Variants in ATXN7L1 observed in about 807,000 individuals in gnomAD.
The protein encoded by ATXN7L1 is ataxin 7 like 1, also known as ataxin-7-like protein 1.
ATXN7L1 carries 15 observed loss-of-function variants against 70.8 expected under a neutral mutation model. That is an observed-to-expected ratio of 0.21 (90% CI 0.14 to 0.33). The LOEUF is 0.33. Among genes scored for constraint, ATXN7L1 ranks in the 10% least tolerant of loss-of-function variants. The pLI, the probability that ATXN7L1 is intolerant of heterozygous loss-of-function variation, is 1.00. For synonymous variants in ATXN7L1, 440 were observed against 445.1 expected (o/e 0.99, Z 0.14); for missense variants, 975 against 1,097.1 (o/e 0.89, Z 1.57).
At chr7:105,653,371 C>T (rs1800145533) in intron 4 of ATXN7L1, among the ~76,000 whole-genome samples, 1 of 152,118 alleles carries the variant, frequency 6.6e-6, no homozygotes, top group East Asian at 1.9e-4. Context: ...TTGCTTGAAC[C>T]CAGGGGATGG....
intron 3 of ATXN7L1, among the ~76,000 whole-genome samples, chr7:105,724,914 A>G (rs1219763697): frequency 6.6e-6 from 1 of 151,648 alleles, no homozygotes; most frequent in Non-Finnish European, 1.5e-5. Context: ...GCAGCCTCAA[A>G]CTCCTGAGCT....
Position 105,689,383 on chromosome 7 carries a change from TTCCCAAGGATG to T in ATXN7L1, c.356-24106_356-24096del, listed in dbSNP as rs200652355. ...GAGACAGAGCTGAAAGGCCTTTACTTTCCCAAGGATGGCAGGGTGGGAGGGTTTAGCTCATT... is the reference window on the plus strand; with the variant it reads ...GAGACAGAGCTGAAAGGCCTTTACTTGCAGGGTGGGAGGGTTTAGCTCATT... On this transcript the variant is annotated intron_variant, in intron 3 of 11. Transcript: ENST00000419735. Among the ~76,000 whole-genome samples the T allele has an allele frequency of 8.3e-3, 1,268 of 152,212 alleles. 7 individuals carry two copies. Among genetic ancestry groups the T allele is most frequent in the Non-Finnish European group, 0.014 (966 of 68,014 alleles).
intron 3 of ATXN7L1, among the ~76,000 whole-genome samples, chr7:105,713,693 A>G (rs2116277086): frequency 6.6e-6 from 1 of 152,366 alleles, no homozygotes; most frequent in African/African-American, 2.4e-5. Flanking sequence ...CAGGGCACCC[A>G]TGGCATGCTG....
intron 2 of ATXN7L1, among the ~76,000 whole-genome samples, chr7:105,834,031 C>T (rs1812015447): frequency 6.6e-6 from 1 of 152,084 alleles, no homozygotes; most frequent in South Asian, 2.1e-4. Context: ...TCATCATTGT[C>T]TTTGTTTTGT....
chr7:105,657,702 C>CAAAA (rs71155465), intron 4 of ATXN7L1, among the ~76,000 whole-genome samples: 1,321 of 26,114 alleles, frequency 0.051, 122 homozygotes, highest in Non-Finnish European at 0.058. Flanking sequence ...GACCCTGTCT[C>CAAAA]AAAAAAAAAA....
At chr7:105,774,508 C>T (rs557208202) in intron 3 of ATXN7L1, among the ~76,000 whole-genome samples, 5 of 152,084 alleles carry the variant, frequency 3.3e-5, no homozygotes, top group Non-Finnish European at 7.4e-5. Flanking sequence ...TGTGCTACCA[C>T]ACCTGGCTAA....
intron 6 of ATXN7L1, 100 bp from the exon 7 acceptor site, chr7:105,638,709 G>A: frequency 8.5e-6 from 12 of 1,417,074 alleles, no homozygotes; most frequent in Non-Finnish European, 1.0e-5. Context: ...TGGAAATTTA[G>A]AGGTGCTTGA....
At chr7:105,823,384 G>A (rs908412795) in intron 2 of ATXN7L1, among the ~76,000 whole-genome samples, 1 of 152,152 alleles carries the variant, frequency 6.6e-6, no homozygotes, top group Non-Finnish European at 1.5e-5. Flanking sequence ...TAAGCATATG[G>A]GTTCACAGGT....
intron 3 of ATXN7L1, among the ~76,000 whole-genome samples, chr7:105,673,996 A>T (rs1261669967): frequency 6.6e-6 from 1 of 152,206 alleles, no homozygotes; most frequent in Non-Finnish European, 1.5e-5. Context: ...GAGCTGTGCC[A>T]AGCAGTTTCC....
intron 2 of ATXN7L1, among the ~76,000 whole-genome samples, chr7:105,817,380 A>G (rs1809347441): frequency 1.3e-5 from 2 of 152,356 alleles, no homozygotes; most frequent in South Asian, 4.1e-4. Context: ...ATATTAAAGT[A>G]AATGCTTGCA....
chr7:105,720,017 C>T (rs1337148280), intron 3 of ATXN7L1, among the ~76,000 whole-genome samples: 1 of 152,248 alleles, frequency 6.6e-6, no homozygotes. Context: ...GCCCCTTTAA[C>T]TACCAAAGCC....
chr7:105,858,504 A>C (rs145212499), intron 2 of ATXN7L1, among the ~76,000 whole-genome samples: 1 of 152,346 alleles, frequency 6.6e-6, no homozygotes, highest in African/African-American at 2.4e-5. Flanking sequence ...AGGATTCCAC[A>C]AAATTTCCTT....
intron 8 of ATXN7L1, among the ~76,000 whole-genome samples, chr7:105,623,399 C>T (rs2115805714): frequency 6.6e-6 from 1 of 152,336 alleles, no homozygotes; most frequent in African/African-American, 2.4e-5. Context: ...ATAAACAAGC[C>T]TCCAGGGGAT....
chr7:105,634,629 T>C (rs766686249), intron 7 of ATXN7L1, among the ~76,000 whole-genome samples: 1 of 152,110 alleles, frequency 6.6e-6, no homozygotes, highest in East Asian at 1.9e-4. Context: ...ATATTGGGAT[T>C]ACATACGTGA....
chr7:105,722,113 C>T (rs1795252083), intron 3 of ATXN7L1, among the ~76,000 whole-genome samples: 1 of 152,178 alleles, frequency 6.6e-6, no homozygotes, highest in African/African-American at 2.4e-5. Context: ...ATCATATAAC[C>T]TGCTCTTCAC....
At chr7:105,832,056 T>C (rs1412340017) in intron 2 of ATXN7L1, among the ~76,000 whole-genome samples, 1 of 152,150 alleles carries the variant, frequency 6.6e-6, no homozygotes, top group African/African-American at 2.4e-5. Flanking sequence ...CATGTGACTA[T>C]ATTGGAAGGC....
chr7:105,870,782 C>A (rs868056593), intron 2 of ATXN7L1, among the ~76,000 whole-genome samples: 1 of 152,144 alleles, frequency 6.6e-6, no homozygotes, highest in South Asian at 2.1e-4. Context: ...CTCATAAACA[C>A]CTTTCACAGA....
intron 3 of ATXN7L1, among the ~76,000 whole-genome samples, chr7:105,733,537 T>A (rs1377148254): frequency 1.9e-5 from 2 of 106,972 alleles, no homozygotes; most frequent in African/African-American, 7.5e-5. Context: ...CATCCATCCA[T>A]CCACCCATCC....
rs1388278882 is a variant in ATXN7L1 at position 105,788,435 on chromosome 7, T to C, written c.355+169A>G. On this transcript the variant is annotated intron_variant, in intron 3 of 11. Transcript: ENST00000419735. ...GGACTGCGGATTTCAGCAGAAGGACTACAGCTCCTAAAACAGCCTGCGAGC... is the reference window on the plus strand; with the variant it reads ...GGACTGCGGATTTCAGCAGAAGGACCACAGCTCCTAAAACAGCCTGCGAGC... The C allele has an allele frequency of 9.1e-5, 55 of 603,890 alleles. 1 individual carries two copies. The highest frequency in any genetic ancestry group is 1.8e-5 in the Non-Finnish European group (6 of 337,130). 37.4% of individuals were successfully genotyped at this position (603,890 alleles called of 1,614,324 possible). A position where few individuals can be genotyped will look rare whatever the true frequency, so the allele number is the denominator to read the frequency against.
Sources: gnomAD v4.1 joint callset for allele counts (sites outside exome capture counted in the v4.1 genomes callset) on GRCh38, gnomAD v4.1.1 for gene constraint, MANE v1.5 for transcripts, NCBI Gene and HGNC (gene_info 2026-07-23, HGNC 2026-07-21) for gene names.